The following ZNF529 variants were observed in gnomAD, a reference collection of about 807,000 sequenced individuals.
ZNF529 encodes zinc finger protein 529.
A neutral mutation model predicts 10.1 loss-of-function variants in ZNF529; 11 were observed. That is an observed-to-expected ratio of 1.09 (90% CI 0.69 to 1.81). The LOEUF is 1.81. Ranked by LOEUF, ZNF529 falls within the 40% of genes most tolerant of loss-of-function variation. The probability of loss-of-function intolerance (pLI) is 0.00; values close to 1 mark genes in which losing one functional copy is unlikely to be tolerated. For missense variants in ZNF529, 624 were observed against 666.8 expected (o/e 0.94, Z 0.71); for synonymous variants, 204 against 215.7 (o/e 0.95, Z 0.47).
chr19:36,567,795 G>T (rs896329835), intron 2 of ZNF529, among the ~76,000 whole-genome samples: 1 of 152,086 alleles, frequency 6.6e-6, no homozygotes, highest in African/African-American at 2.4e-5. Flanking sequence ...AGCAGCAAAA[G>T]AAAATTTTGA....
At chr19:36,605,156 A>G (rs1347438971) in exon 1 of ZNF529, 1 of 152,364 alleles carries the variant, frequency 6.6e-6, no homozygotes, top group African/African-American at 2.4e-5. Context: ...GGTCAACGGA[A>G]AAGGGAGCCG....
At chr19:36,603,867 GC>G (rs2036970447) in intron 1 of ZNF529, among the ~76,000 whole-genome samples, 1 of 152,182 alleles carries the variant, frequency 6.6e-6, no homozygotes, top group Non-Finnish European at 1.5e-5. Context: ...TATTCAACTT[GC>G]CCCCACAGAG....
intron 2 of ZNF529, among the ~76,000 whole-genome samples, chr19:36,559,263 G>A (rs1340685507): frequency 1.3e-5 from 2 of 152,222 alleles, no homozygotes; most frequent in African/African-American, 4.8e-5. Flanking sequence ...ATACAATCCA[G>A]CAATTCTGCT....
upstream of ZNF529, among the ~76,000 whole-genome samples, chr19:36,576,897 A>T (rs1396731397): frequency 6.6e-6 from 1 of 151,814 alleles, no homozygotes; most frequent in Non-Finnish European, 1.5e-5. Context: ...CATACAAGGG[A>T]AAGCCTCATC....
At chr19:36,574,093 A>T (rs780211324), upstream of ZNF529, among the ~76,000 whole-genome samples, 1 of 152,208 alleles carries the variant, frequency 6.6e-6, no homozygotes, top group Non-Finnish European at 1.5e-5. Context: ...ATGAGTGACC[A>T]ATGGCCGGTG....
At chr19:36,590,660 C>T (rs1051159410) in intron 1 of ZNF529, among the ~76,000 whole-genome samples, 15 of 152,084 alleles carry the variant, frequency 9.9e-5, no homozygotes, top group Admixed American at 7.2e-4. Flanking sequence ...GTGGGCATGA[C>T]GGCTCATGCC....
chr19:36,560,849 C>T (rs2035664261), intron 2 of ZNF529, among the ~76,000 whole-genome samples: 1 of 152,136 alleles, frequency 6.6e-6, no homozygotes, highest in African/African-American at 2.4e-5. Context: ...CTCTTAACTA[C>T]TCAGAGTAAA....
intron 1 of ZNF529, among the ~76,000 whole-genome samples, chr19:36,595,449 C>G (rs2036819657): frequency 1.3e-5 from 2 of 152,112 alleles, no homozygotes; most frequent in South Asian, 4.1e-4. Context: ...CCTGTAACCC[C>G]AGCACTTTGG....
chr19:36,572,462 AC>A, intron 1 of ZNF529, 70 bp from the exon 2 acceptor site: 1 of 1,258,382 alleles, frequency 7.9e-7, no homozygotes, highest in Non-Finnish European at 1.1e-6. Flanking sequence ...AGTGTTCACC[AC>A]CAGAAAAGCC....
intron 1 of ZNF529, among the ~76,000 whole-genome samples, chr19:36,589,949 A>G (rs1949521050): frequency 6.6e-6 from 1 of 152,222 alleles, no homozygotes; most frequent in Non-Finnish European, 1.5e-5. Context: ...ATTGACAATG[A>G]AGTACCTAGA....
At position 36,547,427 on chromosome 19, in the gene ZNF529, T is replaced by A. The variant is rs372414605; in HGVS notation, c.1131A>T (p.Val377=). 3 of 1,612,344 alleles carry A rather than the reference T, an allele frequency of 1.9e-6. No individual in the cohort carries two copies. The African/African-American group carries it at 4.0e-5, about 22-fold the overall frequency. Residue 377 remains valine, a synonymous_variant, in exon 5 of 5, where the codon GTA becomes GTT. Coordinates refer to ENST00000591340, the MANE Select transcript of ZNF529 (RefSeq NM_020951.5). ...TCTGATGACGAGCAAGTTCTCTACA[T>A]ACTCCAAAAGCCTTCCCACATTCCT... is the stretch of plus-strand genomic sequence containing the variant. The part of the protein sequence containing the change: ...ACKECGKAFG[V]CRELARHQRI...
intron 2 of ZNF529, among the ~76,000 whole-genome samples, chr19:36,560,083 A>G (rs1177291150): frequency 6.6e-6 from 1 of 151,880 alleles, no homozygotes; most frequent in Non-Finnish European, 1.5e-5. Context: ...ACGTGGAAAA[A>G]CCTGGTCTCT....
intron 2 of ZNF529, among the ~76,000 whole-genome samples, chr19:36,556,536 C>A (rs762141362): frequency 6.6e-6 from 1 of 152,206 alleles, no homozygotes; most frequent in African/African-American, 2.4e-5. Context: ...AGAATGAGGA[C>A]TCCCTTCCTC....
At chr19:36,566,005 G>C (rs1284294876) in intron 2 of ZNF529, among the ~76,000 whole-genome samples, 1 of 152,126 alleles carries the variant, frequency 6.6e-6, no homozygotes, top group Non-Finnish European at 1.5e-5. Context: ...TTTGAGACAG[G>C]GTCTCACTCT....
At chr19:36,583,784 CAT>C (rs1277265171) in intron 2 of ZNF529, among the ~76,000 whole-genome samples, 2 of 151,732 alleles carry the variant, frequency 1.3e-5, no homozygotes, top group Non-Finnish European at 2.9e-5. Flanking sequence ...GTATAGAGAA[CAT>C]AACAAGCACA....
rs750128723 is a variant in ZNF529 at position 36,547,170 on chromosome 19, G to A, written c.1388C>T (p.Ser463Leu). The change falls in exon 5 of 5, where the codon TCA becomes TTA. Residue 463 changes from serine to leucine, a missense_variant. Transcript: ENST00000591340. ...AATTCTTTGATGTTGAATAAGGGCT[G>A]ACGTAAGTCTAAAGAACTTTCCACA... ...KECGKFFRLT[S>L]ALIQHQRIHS... 4 of 1,612,920 alleles carry A rather than the reference G, an allele frequency of 2.5e-6. No homozygotes were observed. In the East Asian group the frequency reaches 8.9e-5, roughly 36 times the overall value.
At position 36,573,216 on chromosome 19, in the gene ZNF529, G is replaced by C. The variant is rs995876309; in HGVS notation, c.-123C>G. On this transcript the variant is annotated 5_prime_UTR_variant, in exon 1 of 5. Transcript: ENST00000591340. The stretch of plus-strand genomic sequence containing the variant: ...GTGGACCGACCTCGCCCGGCAGCGC[G>C]GGGCCACCTCACCGCGAGCTCCTCC... 3.1e-6 allele frequency: 1 copy of C among 322,502 alleles called. No homozygotes were observed. Among genetic ancestry groups the C allele is most frequent in the Admixed American group, 3.9e-5 (1 of 25,694 alleles). 20.0% of individuals were successfully genotyped at this position (322,502 alleles called of 1,614,324 possible).
chr19:36,597,113 G>A (rs1325971171), intron 1 of ZNF529, among the ~76,000 whole-genome samples: 1 of 152,032 alleles, frequency 6.6e-6, no homozygotes, highest in Non-Finnish European at 1.5e-5. Context: ...CTCAGGCAAT[G>A]CTCCCATCTC....
At chr19:36,585,937 A>G (rs1429560384) in intron 2 of ZNF529, among the ~76,000 whole-genome samples, 1 of 152,236 alleles carries the variant, frequency 6.6e-6, no homozygotes, top group African/African-American at 2.4e-5. Context: ...TAAGCTAAGT[A>G]TGTACTGTTC....
Sources: allele counts gnomAD v4.1 joint callset (sites outside exome capture counted in the v4.1 genomes callset), GRCh38; gene constraint gnomAD v4.1.1; transcripts MANE v1.5; gene names NCBI Gene and HGNC (gene_info 2026-07-23, HGNC 2026-07-21).